RAP1GAP: variants seen among roughly 807,000 people sequenced by gnomAD.
RAP1GAP encodes RAP1 GTPase activating protein, also known as rap1 GTPase-activating protein 1.
Under a neutral mutation model 87.2 loss-of-function variants are expected in RAP1GAP, and 35 were observed. The ratio of observed to expected loss-of-function variants is 0.40; its 90% CI spans 0.31 to 0.53. The LOEUF (loss-of-function observed/expected upper bound fraction) is 0.53. Among genes scored for constraint, RAP1GAP ranks in the 20% least tolerant of loss-of-function variants. RAP1GAP has a pLI of 0.48. For missense variants in RAP1GAP, 734 were observed against 898.9 expected (o/e 0.82, Z 2.35); for synonymous variants, 375 against 363.9 (o/e 1.03, Z -0.35).
chr1:21,602,482 C>T (rs946073370), intron 19 of RAP1GAP, among the ~76,000 whole-genome samples: 14 of 152,226 alleles, frequency 9.2e-5, no homozygotes, highest in African/African-American at 3.4e-4. Context: ...CTCCCACATG[C>T]GCTGGGGCCG....
At chr1:21,633,497 G>C (rs1211494618) in intron 2 of RAP1GAP, among the ~76,000 whole-genome samples, 2 of 152,170 alleles carry the variant, frequency 1.3e-5, no homozygotes, top group Admixed American at 6.5e-5. Flanking sequence ...AGGTGGTACA[G>C]GACCATCAAG....
chr1:21,619,865 C>G lies in RAP1GAP; in HGVS notation c.18+150G>C. 8.6e-6 allele frequency: 7 copies of G among 809,364 alleles called. No individual in the cohort carries two copies. In the South Asian group the frequency reaches 9.8e-5, roughly 11 times the overall value. The allele number at this position is 809,364 out of a possible 1,614,324, so 50.1% of individuals were successfully genotyped here. A position where few individuals can be genotyped will look rare whatever the true frequency, so the allele number is the denominator to read the frequency against. On this transcript the variant is annotated intron_variant, in intron 4 of 24. Transcript: ENST00000374765. Reference sequence around the variant, plus strand: ...GGCATCCTCTACCCTGACCTCCAGACAGAGGACCCTGGACAACCAATAGCC... The same window carrying G: ...GGCATCCTCTACCCTGACCTCCAGAGAGAGGACCCTGGACAACCAATAGCC...
intron 2 of RAP1GAP, among the ~76,000 whole-genome samples, chr1:21,628,740 T>C (rs1489529823): frequency 6.6e-6 from 1 of 151,336 alleles, no homozygotes; most frequent in Non-Finnish European, 1.5e-5. Context: ...ATACAAAAAT[T>C]AGCTGGGCAC....
At chr1:21,606,327 C>T (rs1401108699) in intron 17 of RAP1GAP, 130 bp from the exon 18 acceptor site, 1 of 1,292,916 alleles carries the variant, frequency 7.7e-7, no homozygotes, top group Non-Finnish European at 1.0e-6. Flanking sequence ...AATCCCTTCC[C>T]CTGGGCATGT....
rs1444045334 is a variant in RAP1GAP at position 21,603,627 on chromosome 1, T to C, written c.1429-714A>G. The stretch of plus-strand genomic sequence containing the variant: ...GGGCCAAGGCAGGGCCAGAAGCCCC[T>C]GGTGAGGGGCACTGGCTCTGGCACA... On this transcript the variant is annotated intron_variant, in intron 18 of 24. Transcript: ENST00000374765. This position sits in a 1 kb window ranked among gnomAD's most constrained non-coding sequence, Gnocchi z 6.0. 1 of 741,724 alleles carries C rather than the reference T, an allele frequency of 1.3e-6. No homozygotes were observed. The highest frequency in any genetic ancestry group is 2.5e-5 in the East Asian group (1 of 39,642). 45.9% of individuals were successfully genotyped at this position (741,724 alleles called of 1,614,324 possible). A position where few individuals can be genotyped will look rare whatever the true frequency, so the allele number is the denominator to read the frequency against.
intron 3 of RAP1GAP, among the ~76,000 whole-genome samples, chr1:21,620,973 C>T (rs1017107278): frequency 6.6e-6 from 1 of 152,204 alleles, no homozygotes; most frequent in Non-Finnish European, 1.5e-5. Context: ...AAGAAAACAA[C>T]ACACACAAAC....
Position 21,626,918 on chromosome 1 carries a change from C to A in RAP1GAP, c.-112-521G>T, listed in dbSNP as rs770701177. On this transcript the variant is annotated intron_variant, in intron 2 of 24. Coordinates refer to ENST00000374765, the MANE Select transcript of RAP1GAP (RefSeq NM_002885.4). ...TCTAGGCCCGAGGGCATGGCCTCCTCACCACACTGGTATTCCCACTTTACA... is the reference window on the plus strand; with the variant it reads ...TCTAGGCCCGAGGGCATGGCCTCCTAACCACACTGGTATTCCCACTTTACA... 1.3e-4 allele frequency: 58 copies of A among 456,688 alleles called. No individual in the cohort carries two copies. In the Middle Eastern group the frequency reaches 3.2e-3, roughly 25 times the overall value. The allele number at this position is 456,688 out of a possible 1,614,324, so 28.3% of individuals were successfully genotyped here.
At chr1:21,661,803 A>C (rs2097164041) in intron 1 of RAP1GAP, among the ~76,000 whole-genome samples, 2 of 152,244 alleles carry the variant, frequency 1.3e-5, no homozygotes, top group South Asian at 4.1e-4. Flanking sequence ...TAGTGCCACC[A>C]ATGGCTCACA....
intron 2 of RAP1GAP, 139 bp downstream of exon 2, chr1:21,649,622 G>T: frequency 3.0e-6 from 3 of 988,954 alleles, no homozygotes; most frequent in Non-Finnish European, 3.0e-6. Context: ...AAGAGGGTCT[G>T]CCCACCCCCT....
chr1:21,640,030 C>T (rs1681252), intron 2 of RAP1GAP, among the ~76,000 whole-genome samples: 5 of 152,190 alleles, frequency 3.3e-5, no homozygotes, highest in Non-Finnish European at 7.4e-5. Flanking sequence ...CCACGAGGCC[C>T]TGCGTGTCTG....
intron 1 of RAP1GAP, chr1:21,651,335 A>G (rs2096542498): frequency 2.2e-6 from 1 of 455,678 alleles, no homozygotes; most frequent in Admixed American, 2.3e-5. Context: ...CTGCAGAGGC[A>G]AAGTGGGAGG....
At chr1:21,617,552 C>G (rs748489) in intron 6 of RAP1GAP, 61 bp from the exon 7 acceptor site, 69,717 of 1,519,188 alleles carry the variant, frequency 0.046, 2,000 homozygotes, top group African/African-American at 0.12. Context: ...CCCCAGGACA[C>G]CCTCCCAACT....
At chr1:21,635,236 G>A (rs1008861228) in intron 2 of RAP1GAP, among the ~76,000 whole-genome samples, 1 of 152,096 alleles carries the variant, frequency 6.6e-6, no homozygotes, top group African/African-American at 2.4e-5. Context: ...TATTACAGCC[G>A]CCTATGCTTT....
chr1:21,651,352 A>G (rs2096543818), intron 1 of RAP1GAP: 1 of 483,154 alleles, frequency 2.1e-6, no homozygotes, highest in African/African-American at 2.0e-5. Context: ...GAGGTCCAGC[A>G]GAACCTCCCC....
At chr1:21,601,391 A>G (rs1376227636) in intron 20 of RAP1GAP, among the ~76,000 whole-genome samples, 1 of 152,014 alleles carries the variant, frequency 6.6e-6, no homozygotes, top group Non-Finnish European at 1.5e-5. Flanking sequence ...GGTTCCTCCT[A>G]TCACCATGAT....
chr1:21,607,036 G>A (rs1164588837), intron 17 of RAP1GAP, among the ~76,000 whole-genome samples: 2 of 152,202 alleles, frequency 1.3e-5, no homozygotes, highest in East Asian at 3.8e-4. Flanking sequence ...GGGCAGGCCT[G>A]GGCAGCCGGG....
chr1:21,620,944 C>T (rs906029268), intron 3 of RAP1GAP, among the ~76,000 whole-genome samples: 3 of 152,182 alleles, frequency 2.0e-5, no homozygotes, highest in Non-Finnish European at 4.4e-5. Context: ...CACTGCACCA[C>T]GTATATGTTT....
intron 1 of RAP1GAP, among the ~76,000 whole-genome samples, chr1:21,655,302 C>CATGT (rs2096817326): frequency 1.3e-5 from 2 of 152,074 alleles, no homozygotes; most frequent in Non-Finnish European, 2.9e-5. Context: ...AATTATGGTC[C>CATGT]ATGTATGCTA....
intron 2 of RAP1GAP, among the ~76,000 whole-genome samples, chr1:21,636,914 A>AAGGGAGGGAGGGAGGGAGGG (rs1217233454): frequency 1.2e-4 from 12 of 102,490 alleles, no homozygotes; most frequent in African/African-American, 2.0e-4. Flanking sequence ...GGAAGGAAGG[A>AAGGGAGGGAGGGAGGGAGGG]AGGGAGGGAG....
Sources: gnomAD v4.1 joint callset for allele counts (sites outside exome capture counted in the v4.1 genomes callset) on GRCh38, gnomAD v4.1.1 for gene constraint, Gnocchi (gnomAD v3.1) non-coding constraint, MANE v1.5 for transcripts, NCBI Gene and HGNC (gene_info 2026-07-23, HGNC 2026-07-21) for gene names.